The following PTPRO variants were observed in gnomAD, a reference collection of about 807,000 sequenced individuals.
The protein encoded by PTPRO is protein tyrosine phosphatase receptor type O.
PTPRO carries 62 observed loss-of-function variants against 145.2 expected under a neutral mutation model. The ratio of observed to expected loss-of-function variants is 0.43; its 90% CI spans 0.35 to 0.53. The LOEUF is 0.53. Ranked by LOEUF, PTPRO falls within the 20% of genes least tolerant of loss-of-function variation. The pLI is 0.01. For synonymous variants in PTPRO, 565 were observed against 514.7 expected, an observed-to-expected ratio of 1.10 and a Z score of -1.32; for missense variants, 1,345 against 1,482.7, an observed-to-expected ratio of 0.91 and a Z score of 1.53.
chr12:15,335,297 A>T (rs189020727), intron 1 of PTPRO, among the ~76,000 whole-genome samples: 1 of 152,228 alleles, frequency 6.6e-6, no homozygotes, highest in African/African-American at 2.4e-5. Context: ...TTAATAAGAT[A>T]AATAGTAAAA....
At chr12:15,585,843 G>T (rs1944420191) in intron 23 of PTPRO, among the ~76,000 whole-genome samples, 1 of 152,284 alleles carries the variant, frequency 6.6e-6, no homozygotes, top group Non-Finnish European at 1.5e-5. Context: ...CAAGTTAGTT[G>T]GGACTAAAAA....
At chr12:15,473,066 T>C (rs1419314380) in intron 1 of PTPRO, among the ~76,000 whole-genome samples, 1 of 152,156 alleles carries the variant, frequency 6.6e-6, no homozygotes, top group Non-Finnish European at 1.5e-5. Flanking sequence ...CAGGGTAACA[T>C]GATCAGCAAC....
chr12:15,359,792 G>T lies in PTPRO; in HGVS notation c.75+36991G>T, dbSNP rs568108980. On this transcript the variant is annotated intron_variant, in intron 1 of 26. Transcript: ENST00000281171. Reference sequence around the variant, plus strand: ...TTGTTGACTTACTAAAGAAAAATTGGTTTTTTAATGTTAATTATGTGTTCA... The same window carrying T: ...TTGTTGACTTACTAAAGAAAAATTGTTTTTTTAATGTTAATTATGTGTTCA... 2.0e-4 allele frequency among the ~76,000 whole-genome samples: 30 copies of T among 152,176 alleles called. No homozygotes were observed. In the South Asian group the frequency reaches 5.2e-3, roughly 26 times the overall value.
intron 1 of PTPRO, among the ~76,000 whole-genome samples, chr12:15,448,359 A>AAAAAAAAAAAAC (rs1565635339): frequency 2.0e-5 from 3 of 149,908 alleles, no homozygotes; most frequent in Non-Finnish European, 3.0e-5. Flanking sequence ...AAAAAAAAAA[A>AAAAAAAAAAAAC]AGCACCGATT....
At chr12:15,389,306 A>G (rs1438157297) in intron 1 of PTPRO, among the ~76,000 whole-genome samples, 3 of 151,836 alleles carry the variant, frequency 2.0e-5, no homozygotes, top group Non-Finnish European at 4.4e-5. Context: ...ACGGGGTTTC[A>G]CTGTGTTAGC....
At chr12:15,495,336 A>G (rs1184717043) in intron 2 of PTPRO, among the ~76,000 whole-genome samples, 1 of 150,416 alleles carries the variant, frequency 6.6e-6, no homozygotes, top group Non-Finnish European at 1.5e-5. Flanking sequence ...ACAAAGATAG[A>G]TTAAGAACCT....
intron 1 of PTPRO, among the ~76,000 whole-genome samples, chr12:15,463,325 G>A (rs7298369): frequency 0.88 from 133,878 of 152,154 alleles, 60,954 homozygotes; most frequent in Non-Finnish European, 0.99. Context: ...ATCTTAGCCC[G>A]GTGAATGAAC....
chr12:15,510,586 C>T (rs769509558), intron 7 of PTPRO, among the ~76,000 whole-genome samples: 1 of 152,098 alleles, frequency 6.6e-6, no homozygotes, highest in Non-Finnish European at 1.5e-5. Flanking sequence ...AATATCTTCT[C>T]AAAATGCAAA....
chr12:15,577,385 A>G (rs1944210039), intron 19 of PTPRO, among the ~76,000 whole-genome samples: 1 of 152,228 alleles, frequency 6.6e-6, no homozygotes, highest in Non-Finnish European at 1.5e-5. Context: ...CAGAAGACCC[A>G]ATAACTTGAT....
intron 17 of PTPRO, among the ~76,000 whole-genome samples, chr12:15,562,229 C>T (rs983453917): frequency 2.0e-5 from 3 of 152,106 alleles, no homozygotes; most frequent in Admixed American, 6.6e-5. Flanking sequence ...GCTCCCCGCT[C>T]GTGGAAATAC....
At chr12:15,516,237 T>C (rs1488088071) in intron 8 of PTPRO, among the ~76,000 whole-genome samples, 1 of 149,702 alleles carries the variant, frequency 6.7e-6, no homozygotes, top group East Asian at 2.0e-4. Flanking sequence ...TCTGCCCACC[T>C]TGGCTTCCCA....
intron 1 of PTPRO, among the ~76,000 whole-genome samples, chr12:15,364,027 T>C (rs1354820248): frequency 1.3e-5 from 2 of 152,226 alleles, no homozygotes; most frequent in African/African-American, 4.8e-5. Context: ...ATTTAACTTA[T>C]GTCACATTTG....
At chr12:15,569,269 G>C (rs181351867) in intron 18 of PTPRO, 148 bp from the exon 19 acceptor site, 4 of 691,860 alleles carry the variant, frequency 5.8e-6, no homozygotes, top group Non-Finnish European at 9.7e-6. Context: ...TTGGTAACTT[G>C]AACCAAAAAA....
intron 1 of PTPRO, among the ~76,000 whole-genome samples, chr12:15,456,330 A>G (rs1445897132): frequency 6.6e-6 from 1 of 152,158 alleles, no homozygotes; most frequent in African/African-American, 2.4e-5. Flanking sequence ...TCACTTGGTC[A>G]TGGTGTCTGA....
At chr12:15,453,672 A>G (rs1941103931) in intron 1 of PTPRO, among the ~76,000 whole-genome samples, 1 of 152,204 alleles carries the variant, frequency 6.6e-6, no homozygotes. Context: ...TAAACAGCAG[A>G]CCTCAAGAAC....
At chr12:15,433,129 G>A (rs1043300113) in intron 1 of PTPRO, among the ~76,000 whole-genome samples, 1 of 149,250 alleles carries the variant, frequency 6.7e-6, no homozygotes, top group African/African-American at 2.5e-5. Context: ...TATCCAGGAT[G>A]GTACTGCCTA....
At position 15,569,496 on chromosome 12, in the gene PTPRO, G is replaced by C; in HGVS notation, c.2827G>C (p.Glu943Gln). ...TGACTATAAATTTTCTCTTCAGTTT[G>C]AGGTGAGTTGGTTAAGGCATTTTCT... is the stretch of plus-strand genomic sequence containing the variant. ...DSDYKFSLQF[E>Q]ELKLIGLDIP... is the part of the protein sequence containing the mutation. The change falls in exon 19 of 27, where the codon GAG becomes CAG. Residue 943 changes from glutamate (E) to glutamine (Q), a missense_variant and splice_region_variant. Glu to Gln is a conservative substitution (Grantham distance 29). Coordinates refer to ENST00000281171, the MANE Select transcript of PTPRO (RefSeq NM_030667.3). The C allele has an allele frequency of 1.9e-6, 3 of 1,610,876 alleles. No individual in the cohort carries two copies. Among genetic ancestry groups the C allele is most frequent in the Non-Finnish European group, 2.5e-6 (3 of 1,177,166 alleles).
At chr12:15,505,613 A>C (rs1004281515) in intron 6 of PTPRO, among the ~76,000 whole-genome samples, 18 of 152,158 alleles carry the variant, frequency 1.2e-4, no homozygotes, top group Non-Finnish European at 2.1e-4. Flanking sequence ...GTTCTGTGGT[A>C]ATGAGCTATT....
At chr12:15,371,724 A>T (rs760832550) in intron 1 of PTPRO, among the ~76,000 whole-genome samples, 2 of 152,150 alleles carry the variant, frequency 1.3e-5, no homozygotes, top group African/African-American at 2.4e-5. Flanking sequence ...TGTAATCCCC[A>T]TAATCCCCAT....
Sources: allele counts gnomAD v4.1 joint callset (sites outside exome capture counted in the v4.1 genomes callset), GRCh38; gene constraint gnomAD v4.1.1; transcripts MANE v1.5; gene names NCBI Gene and HGNC (gene_info 2026-07-23, HGNC 2026-07-21).